CNTNAP2: variants seen among roughly 807,000 people sequenced by gnomAD.
The protein encoded by CNTNAP2 is contactin associated protein 2.
Under a neutral mutation model 155.2 loss-of-function variants are expected in CNTNAP2, and 98 were observed. That is an observed-to-expected ratio of 0.63 (90% CI 0.54 to 0.75). The LOEUF is 0.75. Ranked by LOEUF, CNTNAP2 falls within the 30% of genes least tolerant of loss-of-function variation. CNTNAP2 has a pLI of 0.00. For missense variants in CNTNAP2, 1,727 were observed against 1,688.1 expected (o/e 1.02, Z -0.40); for synonymous variants, 651 against 631.2 (o/e 1.03, Z -0.47).
intron 8 of CNTNAP2, among the ~76,000 whole-genome samples, chr7:147,135,942 A>G (rs1801468996): frequency 6.6e-6 from 1 of 151,684 alleles, no homozygotes. Context: ...TATATTGGAA[A>G]ACTAAATTTG....
At chr7:147,108,744 A>G (rs1390108704) in intron 5 of CNTNAP2, among the ~76,000 whole-genome samples, 1 of 152,196 alleles carries the variant, frequency 6.6e-6, no homozygotes, top group African/African-American at 2.4e-5. Context: ...TGATAAAGGG[A>G]CTAGGTTAAT....
At chr7:148,300,321 A>C (rs910215696) in intron 21 of CNTNAP2, among the ~76,000 whole-genome samples, 4 of 152,218 alleles carry the variant, frequency 2.6e-5, no homozygotes, top group African/African-American at 9.6e-5. Context: ...ATATATGTAG[A>C]AATACAAGTG....
At chr7:148,057,989 G>GTTA (rs1563183760) in intron 15 of CNTNAP2, among the ~76,000 whole-genome samples, 8 of 74,298 alleles carry the variant, frequency 1.1e-4, no homozygotes, top group African/African-American at 3.2e-4. Context: ...TATTATTATT[G>GTTA]TTATTATTTG....
At chr7:147,078,286 C>G (rs1433954821) in intron 4 of CNTNAP2, among the ~76,000 whole-genome samples, 2 of 152,170 alleles carry the variant, frequency 1.3e-5, no homozygotes, top group Non-Finnish European at 2.9e-5. Context: ...AAGTACGTTG[C>G]TGTATCAAAT....
chr7:147,297,004 A>G (rs1475420632), intron 8 of CNTNAP2, among the ~76,000 whole-genome samples: 3 of 152,236 alleles, frequency 2.0e-5, no homozygotes, highest in African/African-American at 7.2e-5. Context: ...ACTTGATAAC[A>G]GAGAAAGGTC....
intron 10 of CNTNAP2, among the ~76,000 whole-genome samples, chr7:147,435,897 T>G (rs991793774): frequency 6.6e-6 from 1 of 152,238 alleles, no homozygotes; most frequent in Non-Finnish European, 1.5e-5. Flanking sequence ...ATTATAAGTA[T>G]GTAATAAAAC....
intron 15 of CNTNAP2, among the ~76,000 whole-genome samples, chr7:148,066,956 G>A (rs1803277396): frequency 6.6e-6 from 1 of 151,826 alleles, no homozygotes; most frequent in South Asian, 2.1e-4. Flanking sequence ...AGTTTTGATT[G>A]TCTTTTATTT....
intron 1 of CNTNAP2, among the ~76,000 whole-genome samples, chr7:146,316,352 G>A (rs1031182930): frequency 6.6e-6 from 1 of 152,112 alleles, no homozygotes; most frequent in Non-Finnish European, 1.5e-5. Flanking sequence ...ACAGATGCAA[G>A]GTCAGATTAA....
intron 13 of CNTNAP2, among the ~76,000 whole-genome samples, chr7:147,716,996 G>A (rs768896100): frequency 6.6e-6 from 1 of 152,032 alleles, no homozygotes; most frequent in Non-Finnish European, 1.5e-5. Flanking sequence ...GGAGCTACAT[G>A]CTTGGCAAAT....
intron 18 of CNTNAP2, among the ~76,000 whole-genome samples, chr7:148,196,422 G>T (rs958037262): frequency 6.6e-6 from 1 of 152,242 alleles, no homozygotes; most frequent in Middle Eastern, 3.4e-3. Context: ...CCAGGAACTC[G>T]TCTGATCACT....
At chr7:147,571,053 A>G (rs777555875) in intron 12 of CNTNAP2, among the ~76,000 whole-genome samples, 1 of 152,214 alleles carries the variant, frequency 6.6e-6, no homozygotes, top group Non-Finnish European at 1.5e-5. Context: ...GTTTTTAATC[A>G]GAGGACACAT....
chr7:146,581,314 C>T (rs559264401), intron 1 of CNTNAP2, among the ~76,000 whole-genome samples: 8 of 152,038 alleles, frequency 5.3e-5, no homozygotes, highest in Non-Finnish European at 1.2e-4. Flanking sequence ...ATAGAAAGGT[C>T]AGAATCAGCC....
intron 3 of CNTNAP2, among the ~76,000 whole-genome samples, chr7:147,023,940 T>C (rs937609404): frequency 2.0e-5 from 3 of 152,276 alleles, no homozygotes; most frequent in African/African-American, 7.2e-5. Context: ...GTTACTGTTA[T>C]ACTCCTCTCT....
At chr7:147,209,446 C>A (rs1192550013) in intron 8 of CNTNAP2, among the ~76,000 whole-genome samples, 3 of 151,912 alleles carry the variant, frequency 2.0e-5, no homozygotes, top group Non-Finnish European at 2.9e-5. Flanking sequence ...TGATTTTATA[C>A]CCTGAAACTT....
chr7:147,357,650 C>T (rs1198325869), intron 9 of CNTNAP2, among the ~76,000 whole-genome samples: 2 of 152,126 alleles, frequency 1.3e-5, no homozygotes, highest in African/African-American at 4.8e-5. Context: ...GTGACTTACT[C>T]TCCTGGACAC....
rs562287278 is a variant in CNTNAP2 at position 147,713,880 on chromosome 7, C to T, written c.2098+74574C>T. On this transcript the variant is annotated intron_variant, in intron 13 of 23. Coordinates refer to ENST00000361727, the MANE Select transcript of CNTNAP2 (RefSeq NM_014141.6). ...AATGATATTGAGCATCTTTTAAGTG[C>T]TCCTTTATGTTCTATATTTTTTGGT... Among the ~76,000 whole-genome samples the T allele has an allele frequency of 2.3e-4, 35 of 152,116 alleles. No individual in the cohort carries two copies. The South Asian group carries it at 5.2e-3, about 23-fold the overall frequency.
chr7:147,614,498 T>C lies in CNTNAP2; in HGVS notation c.1898-24608T>C, dbSNP rs193265630. Among the ~76,000 whole-genome samples the C allele has an allele frequency of 4.9e-3, 744 of 152,072 alleles. 4 individuals carry two copies. Among genetic ancestry groups the C allele is most frequent in the South Asian group, 8.9e-3 (43 of 4,834 alleles). On this transcript the variant is annotated intron_variant, in intron 12 of 23. Coordinates refer to ENST00000361727, the MANE Select transcript of CNTNAP2 (RefSeq NM_014141.6). The stretch of plus-strand genomic sequence containing the variant: ...TAGTTATTATTGGAAATATAATTGA[T>C]TTTTGTATATTGTTCTTATATTGAA...
chr7:148,195,212 T>C (rs1409817108), intron 18 of CNTNAP2, among the ~76,000 whole-genome samples: 2 of 152,234 alleles, frequency 1.3e-5, no homozygotes, highest in Non-Finnish European at 2.9e-5. Context: ...AGGGCTGATG[T>C]CTTCTCATTA....
intron 1 of CNTNAP2, among the ~76,000 whole-genome samples, chr7:146,322,357 G>A (rs1801018862): frequency 6.6e-6 from 1 of 152,176 alleles, no homozygotes; most frequent in Non-Finnish European, 1.5e-5. Context: ...AGCTTTGGTA[G>A]TACCTCAGCT....
Sources: gnomAD v4.1 joint callset for allele counts (sites outside exome capture counted in the v4.1 genomes callset) on GRCh38, gnomAD v4.1.1 for gene constraint, MANE v1.5 for transcripts, NCBI Gene and HGNC (gene_info 2026-07-23, HGNC 2026-07-21) for gene names.